CDH8: variants seen among roughly 807,000 people sequenced by gnomAD.
The protein encoded by CDH8 is cadherin 8.
Under a neutral mutation model 68.1 loss-of-function variants are expected in CDH8, and 17 were observed. The observed-to-expected ratio is 0.25, with a 90% CI of 0.17 to 0.37. The LOEUF (loss-of-function observed/expected upper bound fraction) is 0.37, where lower values mean the gene tolerates loss of function less well. Ranked by LOEUF, CDH8 falls within the 10% of genes least tolerant of loss-of-function variation. CDH8 has a pLI of 1.00. For synonymous variants in CDH8, 372 were observed against 365.1 expected (o/e 1.02, Z -0.21); for missense variants, 763 against 999.3 (o/e 0.76, Z 3.19).
intron 6 of CDH8, among the ~76,000 whole-genome samples, chr16:61,818,719 G>T (rs1399079995): frequency 6.6e-6 from 1 of 152,132 alleles, no homozygotes. Context: ...ATGCAAGTCT[G>T]TCGAGGTTCA....
rs1212844294 is a variant in CDH8 at position 61,652,770 on chromosome 16, G to T, written c.*838C>A. ...GACATCAATAAAATATTTATTTCGA[G>T]GATTAAACAAATAAATTCACGCGCT... On this transcript the variant is annotated 3_prime_UTR_variant, in exon 12 of 12. Coordinates refer to ENST00000577390, the MANE Select transcript of CDH8 (RefSeq NM_001796.5). The T allele has an allele frequency of 3.0e-6, 4 of 1,331,028 alleles. No homozygotes were observed. Among genetic ancestry groups the T allele is most frequent in the East Asian group, 5.8e-5 (2 of 34,658 alleles). The allele number at this position is 1,331,028 out of a possible 1,614,324, so 82.5% of individuals were successfully genotyped here. A position where few individuals can be genotyped will look rare whatever the true frequency, so the allele number is the denominator to read the frequency against.
chr16:61,915,812 G>T (rs899705529), intron 2 of CDH8, among the ~76,000 whole-genome samples: 1 of 152,126 alleles, frequency 6.6e-6, no homozygotes, highest in African/African-American at 2.4e-5. Context: ...GAGTGGAACA[G>T]AACTTCCCCT....
chr16:61,820,906 C>T lies in CDH8; in HGVS notation c.1023+20G>A. 1 of 1,593,808 alleles carries T rather than the reference C, an allele frequency of 6.3e-7. No homozygotes were observed. The highest frequency in any genetic ancestry group is 8.6e-7 in the Non-Finnish European group (1 of 1,167,784). On this transcript the variant is annotated intron_variant, in intron 6 of 11. Transcript: ENST00000577390. ...TTCAACAAGATATTTTGAAGATGAA[C>T]AAAAGCTTCCTTAGCTTACTTTTCT... is the stretch of plus-strand genomic sequence containing the variant.
At chr16:61,974,178 T>G (rs749285232) in intron 2 of CDH8, among the ~76,000 whole-genome samples, 7 of 152,094 alleles carry the variant, frequency 4.6e-5, no homozygotes, top group Non-Finnish European at 1.0e-4. Flanking sequence ...ATTAATAAAG[T>G]GAAAAAATAT....
chr16:61,798,473 A>T (rs1023686195), intron 7 of CDH8, among the ~76,000 whole-genome samples: 1 of 152,194 alleles, frequency 6.6e-6, no homozygotes, highest in Non-Finnish European at 1.5e-5. Context: ...ATTTCACCCT[A>T]GCTATCTAGC....
intron 2 of CDH8, among the ~76,000 whole-genome samples, chr16:61,912,105 C>T (rs1425779055): frequency 2.6e-5 from 4 of 151,828 alleles, no homozygotes; most frequent in Non-Finnish European, 4.4e-5. Context: ...AATAGCACAG[C>T]GGGAAGGAAC....
chr16:61,977,831 T>G (rs1246265125), intron 2 of CDH8, among the ~76,000 whole-genome samples: 1 of 152,188 alleles, frequency 6.6e-6, no homozygotes, highest in Admixed American at 6.5e-5. Context: ...TTTTAAAAAT[T>G]TCTTCACAAC....
At chr16:62,005,775 G>A (rs545088355) in intron 2 of CDH8, among the ~76,000 whole-genome samples, 1 of 150,532 alleles carries the variant, frequency 6.6e-6, no homozygotes, top group African/African-American at 2.4e-5. Context: ...CAGGGAGGAA[G>A]TCTATTATTA....
intron 8 of CDH8, among the ~76,000 whole-genome samples, chr16:61,734,636 C>T (rs1490588348): frequency 6.6e-6 from 1 of 152,012 alleles, no homozygotes; most frequent in African/African-American, 2.4e-5. Flanking sequence ...CATCTGCCTT[C>T]CTTCCTTCTC....
intron 10 of CDH8, among the ~76,000 whole-genome samples, chr16:61,663,115 G>C (rs73570976): frequency 0.21 from 32,487 of 151,810 alleles, 3,971 homozygotes; most frequent in Middle Eastern, 0.3. Context: ...GTAGAATTGA[G>C]TTTCCTTCTC....
chr16:61,767,297 G>A (rs1358309556), intron 8 of CDH8, among the ~76,000 whole-genome samples: 2 of 151,958 alleles, frequency 1.3e-5, no homozygotes, highest in Admixed American at 6.6e-5. Context: ...CTTGCAAAAT[G>A]AATATTAGTT....
chr16:61,997,920 G>A (rs1358922496), intron 2 of CDH8, among the ~76,000 whole-genome samples: 2 of 152,096 alleles, frequency 1.3e-5, no homozygotes, highest in Non-Finnish European at 2.9e-5. Context: ...AAAAAGATAT[G>A]ACAATTAAAT....
chr16:61,652,984 T>C lies in CDH8; in HGVS notation c.*624A>G. The C allele has an allele frequency of 6.7e-7, 1 of 1,486,724 alleles. No homozygotes were observed. The highest frequency in any genetic ancestry group is 8.9e-7 in the Non-Finnish European group (1 of 1,123,358). 92.1% of individuals were successfully genotyped at this position (1,486,724 alleles called of 1,614,324 possible). ...CACCCTGGAATGGATTACGAACATGTGAATATTTTAAGGCTCGACACAATA... is the reference window on the plus strand; with the variant it reads ...CACCCTGGAATGGATTACGAACATGCGAATATTTTAAGGCTCGACACAATA... On this transcript the variant is annotated 3_prime_UTR_variant, in exon 12 of 12. Transcript: ENST00000577390.
chr16:61,904,961 T>C (rs978230156), intron 2 of CDH8, among the ~76,000 whole-genome samples: 5 of 152,232 alleles, frequency 3.3e-5, no homozygotes, highest in African/African-American at 1.2e-4. Flanking sequence ...TATTGTGAAC[T>C]GCACATGCAT....
chr16:61,857,845 C>T (rs965422462), intron 3 of CDH8, among the ~76,000 whole-genome samples: 3 of 151,738 alleles, frequency 2.0e-5, no homozygotes, highest in Non-Finnish European at 2.9e-5. Flanking sequence ...TACAGTTTGC[C>T]TGTTATGGAG....
At chr16:61,825,676 A>C (rs1962315949) in intron 4 of CDH8, among the ~76,000 whole-genome samples, 2 of 151,916 alleles carry the variant, frequency 1.3e-5, no homozygotes, top group African/African-American at 4.8e-5. Flanking sequence ...GAATCAACTC[A>C]GATGAATAAA....
chr16:61,747,497 T>C (rs908060995), intron 8 of CDH8, among the ~76,000 whole-genome samples: 93 of 152,018 alleles, frequency 6.1e-4, no homozygotes, highest in Non-Finnish European at 1.2e-3. Context: ...ATATCCATCA[T>C]GCAAATTTTC....
intron 2 of CDH8, among the ~76,000 whole-genome samples, chr16:61,981,698 G>T (rs1180925561): frequency 1.3e-5 from 2 of 152,036 alleles, no homozygotes; most frequent in Non-Finnish European, 2.9e-5. Flanking sequence ...GCGCGCGTGC[G>T]CTTGGGGCAG....
chr16:61,881,098 AC>A (rs1163335052), intron 3 of CDH8, among the ~76,000 whole-genome samples: 2 of 152,138 alleles, frequency 1.3e-5, no homozygotes, highest in African/African-American at 4.8e-5. Context: ...CCTGGATGAA[AC>A]CTTGATTGCA....
Sources: allele counts gnomAD v4.1 joint callset (sites outside exome capture counted in the v4.1 genomes callset), GRCh38; gene constraint gnomAD v4.1.1; transcripts MANE v1.5; gene names NCBI Gene and HGNC (gene_info 2026-07-23, HGNC 2026-07-21).